The following WIPI2 variants were observed in gnomAD, a reference collection of about 807,000 sequenced individuals.
The protein encoded by WIPI2 is WD repeat domain phosphoinositide-interacting protein 2.
WIPI2 carries 28 observed loss-of-function variants against 52.3 expected under a neutral mutation model. The ratio of observed to expected loss-of-function variants is 0.54; its 90% CI spans 0.40 to 0.73. The LOEUF (loss-of-function observed/expected upper bound fraction) is 0.73. WIPI2 is among the 30% of genes least tolerant of loss of function. WIPI2 has a pLI of 0.00. For synonymous variants in WIPI2, 268 were observed against 245.0 expected (o/e 1.09, Z -0.88); for missense variants, 506 against 602.9 (o/e 0.84, Z 1.68).
In WIPI2 at chr7:5,228,225, G is replaced by A. The variant is rs752420483; in HGVS notation, c.1121+14G>A. 24 of 1,605,928 alleles carry A rather than the reference G, an allele frequency of 1.5e-5. No individual in the cohort carries two copies. The highest frequency in any genetic ancestry group is 1.1e-4 in the African/African-American group (8 of 74,616). ...GAAGCAGCACCGGTGAGTCTGCTCC[G>A]GCCGCTTCACGGAGCTGCTCCGTGC... is the stretch of plus-strand genomic sequence containing the variant. On this transcript the variant is annotated intron_variant, in intron 11 of 12. Transcript: ENST00000288828.
chr7:5,219,156 G>A (rs978196876), intron 7 of WIPI2: 1 of 152,116 alleles, frequency 6.6e-6, no homozygotes, highest in Non-Finnish European at 1.5e-5. Flanking sequence ...TACCTCATTT[G>A]TTTCCCCTCA....
intron 4 of WIPI2, among the ~76,000 whole-genome samples, chr7:5,215,741 A>G (rs971452669): frequency 7.2e-5 from 11 of 152,352 alleles, no homozygotes; most frequent in East Asian, 1.9e-4. Context: ...AAGACATCAT[A>G]TCTTGAGCAT....
At chr7:5,225,355 A>G (rs561569319) in intron 8 of WIPI2, among the ~76,000 whole-genome samples, 1 of 152,184 alleles carries the variant, frequency 6.6e-6, no homozygotes, top group South Asian at 2.1e-4. Context: ...GTTGGCCAGG[A>G]TGGTCTCGAT....
At chr7:5,211,934 C>T (rs1221136458) in intron 3 of WIPI2, among the ~76,000 whole-genome samples, 1 of 152,184 alleles carries the variant, frequency 6.6e-6, no homozygotes, top group Admixed American at 6.5e-5. Flanking sequence ...TGTGTTAGGA[C>T]GCGTGCCGCT....
intron 3 of WIPI2, among the ~76,000 whole-genome samples, chr7:5,202,887 T>C (rs1295847854): frequency 6.6e-6 from 1 of 152,258 alleles, no homozygotes; most frequent in East Asian, 1.9e-4. Context: ...TATGGGTTTA[T>C]TATTTGTAAA....
intron 8 of WIPI2, among the ~76,000 whole-genome samples, chr7:5,223,384 T>C (rs1783247576): frequency 6.6e-6 from 1 of 152,184 alleles, no homozygotes; most frequent in South Asian, 2.1e-4. Flanking sequence ...GAGGAGGGGC[T>C]GTCTTTCGGG....
rs748402105 is a variant in WIPI2 at position 5,228,197 on chromosome 7, G to A, written c.1107G>A (p.Leu369=). ...CCCAGGAGGGCGGCGAGTGTGCCCTGATGAAGCAGCACCGGTGAGTCTGCT... is the reference window on the plus strand; with the variant it reads ...CCCAGGAGGGCGGCGAGTGTGCCCTAATGAAGCAGCACCGGTGAGTCTGCT... ...LDPQEGGECA[L]MKQHRLDGSL... is the part of the protein sequence containing the mutation. Residue 369 remains leucine, a synonymous_variant, in exon 11 of 13, where the codon CTG becomes CTA. Transcript: ENST00000288828. 1.2e-6 allele frequency: 2 copies of A among 1,613,168 alleles called. No individual in the cohort carries two copies. The highest frequency in any genetic ancestry group is 3.3e-5 in the Admixed American group (2 of 59,964).
At chr7:5,202,790 A>G (rs376680521) in intron 3 of WIPI2, among the ~76,000 whole-genome samples, 1 of 152,172 alleles carries the variant, frequency 6.6e-6, no homozygotes, top group Non-Finnish European at 1.5e-5. Context: ...TCATTTTTTG[A>G]ATATACATAA....
At chr7:5,215,399 C>T (rs182429790) in intron 4 of WIPI2, among the ~76,000 whole-genome samples, 2 of 152,346 alleles carry the variant, frequency 1.3e-5, no homozygotes, top group East Asian at 3.9e-4. Context: ...ACTTTATCTC[C>T]CCCTAAACTA....
At chr7:5,211,493 C>T (rs1163393841) in intron 3 of WIPI2, among the ~76,000 whole-genome samples, 4 of 152,080 alleles carry the variant, frequency 2.6e-5, no homozygotes, top group South Asian at 4.2e-4. Context: ...AATCCCACTT[C>T]GCATGTGTCT....
chr7:5,226,088 G>T, intron 9 of WIPI2, 158 bp downstream of exon 9: 3 of 677,894 alleles, frequency 4.4e-6, no homozygotes, highest in East Asian at 2.8e-5. Flanking sequence ...CCGCATCCAG[G>T]CTCGGCAGTG....
intron 2 of WIPI2, among the ~76,000 whole-genome samples, chr7:5,199,023 T>C (rs1781886557): frequency 1.3e-5 from 2 of 152,164 alleles, no homozygotes; most frequent in African/African-American, 2.4e-5. Context: ...AAAAAGTTTT[T>C]TGGTTTCTTT....
At chr7:5,192,272 G>A (rs1409684165) in intron 1 of WIPI2, among the ~76,000 whole-genome samples, 1 of 152,176 alleles carries the variant, frequency 6.6e-6, no homozygotes, top group Non-Finnish European at 1.5e-5. Flanking sequence ...TTCTAATTTG[G>A]TTTTTAAGCC....
Position 5,193,116 on chromosome 7 carries a change from A to G in WIPI2, c.75-2A>G, listed in dbSNP as rs376677941. ...TTTGTTTTGTTTTGTTTTTTTACCT[A>G]GAGAAGTGAAAGGGGCATCAAGAGC... On this transcript the variant is annotated splice_acceptor_variant, in intron 1 of 12. Coordinates refer to ENST00000288828, the MANE Select transcript of WIPI2 (RefSeq NM_015610.4). LOFTEE classifies it high-confidence loss of function. 5 of 1,613,718 alleles carry G rather than the reference A, an allele frequency of 3.1e-6. No homozygotes were observed. In the African/African-American group the frequency reaches 6.7e-5, roughly 22 times the overall value.
intron 3 of WIPI2, among the ~76,000 whole-genome samples, chr7:5,204,983 C>CT (rs956862992): frequency 2.3e-4 from 35 of 149,600 alleles, no homozygotes; most frequent in Middle Eastern, 3.4e-3. Context: ...GCCTATTAGT[C>CT]TTTTTTTTTT....
At chr7:5,210,150 C>T (rs561983274) in intron 3 of WIPI2, among the ~76,000 whole-genome samples, 78 of 152,258 alleles carry the variant, frequency 5.1e-4, no homozygotes, top group African/African-American at 1.8e-3. Context: ...CTCAGGTGAT[C>T]TGCCTGCCTC....
intron 3 of WIPI2, among the ~76,000 whole-genome samples, chr7:5,201,454 T>G (rs1440238821): frequency 6.6e-6 from 1 of 152,086 alleles, no homozygotes; most frequent in Non-Finnish European, 1.5e-5. Context: ...TCTTTTAGAG[T>G]GGATATTGGC....
At chr7:5,228,699 A>T (rs559460637) in intron 11 of WIPI2, among the ~76,000 whole-genome samples, 1 of 152,204 alleles carries the variant, frequency 6.6e-6, no homozygotes, top group Non-Finnish European at 1.5e-5. Context: ...TCTGTCTTAC[A>T]TGTTTTTTAA....
At chr7:5,200,195 G>A (rs1012122134) in intron 3 of WIPI2, among the ~76,000 whole-genome samples, 1 of 151,972 alleles carries the variant, frequency 6.6e-6, no homozygotes, top group Non-Finnish European at 1.5e-5. Flanking sequence ...TTTATTTTTT[G>A]CAAAACAGAA....
Sources: gnomAD v4.1 joint callset for allele counts (sites outside exome capture counted in the v4.1 genomes callset) on GRCh38, gnomAD v4.1.1 for gene constraint, MANE v1.5 for transcripts, NCBI Gene and HGNC (gene_info 2026-07-23, HGNC 2026-07-21) for gene names.